KDM4C: variants seen among roughly 807,000 people sequenced by gnomAD.
KDM4C encodes the protein lysine-specific demethylase 4C.
In KDM4C, 81 loss-of-function variants were observed where a neutral mutation model predicts 129.3. The ratio of observed to expected loss-of-function variants is 0.63; its 90% CI spans 0.52 to 0.75. KDM4C has a LOEUF of 0.75. KDM4C is among the 30% of genes least tolerant of loss of function. The pLI, the probability that KDM4C is intolerant of heterozygous loss-of-function variation, is 0.00. For missense variants in KDM4C, 1,457 were observed against 1,304.0 expected (o/e 1.12, Z -1.81); for synonymous variants, 573 against 456.1 (o/e 1.26, Z -3.26).
At chr9:7,150,899 A>G (rs527719496) in intron 19 of KDM4C, among the ~76,000 whole-genome samples, 1 of 152,358 alleles carries the variant, frequency 6.6e-6, no homozygotes, top group South Asian at 2.1e-4. Context: ...TATACCTCTG[A>G]GGCTTAATGC....
At chr9:7,098,447 C>A (rs1836700470) in intron 17 of KDM4C, among the ~76,000 whole-genome samples, 1 of 152,220 alleles carries the variant, frequency 6.6e-6, no homozygotes, top group African/African-American at 2.4e-5. Flanking sequence ...TATTTTAATG[C>A]TCTGAACTTG....
intron 5 of KDM4C, among the ~76,000 whole-genome samples, chr9:6,856,401 C>A (rs1231544060): frequency 2.6e-5 from 4 of 152,078 alleles, no homozygotes; most frequent in Admixed American, 2.6e-4. Flanking sequence ...AACCATGGTT[C>A]ATTTTGGTTT....
chr9:7,058,528 G>C (rs1342212884), intron 17 of KDM4C, among the ~76,000 whole-genome samples: 1 of 152,102 alleles, frequency 6.6e-6, no homozygotes, highest in Non-Finnish European at 1.5e-5. Context: ...GCTTGTACAA[G>C]CTTGCTGCAG....
chr9:6,899,090 T>C (rs532560472), intron 8 of KDM4C, among the ~76,000 whole-genome samples: 24 of 152,138 alleles, frequency 1.6e-4, no homozygotes, highest in Middle Eastern at 3.4e-3. Flanking sequence ...CTTTTTGCTG[T>C]TTCTGATTCC....
intron 8 of KDM4C, among the ~76,000 whole-genome samples, chr9:6,926,593 C>G (rs868822402): frequency 6.6e-6 from 1 of 152,200 alleles, no homozygotes; most frequent in Admixed American, 6.5e-5. Context: ...ACTCTTATTT[C>G]TGCCTCATTC....
intron 12 of KDM4C, among the ~76,000 whole-genome samples, chr9:6,996,334 C>T (rs1387443642): frequency 6.6e-6 from 1 of 152,236 alleles, no homozygotes; most frequent in Admixed American, 6.5e-5. Flanking sequence ...TGCTTTATCA[C>T]ACCCCCTTCC....
At chr9:6,802,363 C>T (rs1588371890) in intron 2 of KDM4C, among the ~76,000 whole-genome samples, 1 of 152,132 alleles carries the variant, frequency 6.6e-6, no homozygotes, top group Admixed American at 6.6e-5. Context: ...GAAATTTGAA[C>T]TACACGTATC....
intron 18 of KDM4C, among the ~76,000 whole-genome samples, chr9:7,117,630 C>T (rs1371354315): frequency 7.8e-5 from 2 of 25,796 alleles, no homozygotes; most frequent in Non-Finnish European, 1.5e-4. Flanking sequence ...AATTTCTACA[C>T]ACACACACAC....
At chr9:7,037,953 T>G (rs1028709447) in intron 15 of KDM4C, among the ~76,000 whole-genome samples, 1 of 152,144 alleles carries the variant, frequency 6.6e-6, no homozygotes, top group Non-Finnish European at 1.5e-5. Context: ...CCATGCTCAT[T>G]AAACATAAAA....
At chr9:7,051,943 G>A (rs1411703472) in intron 17 of KDM4C, among the ~76,000 whole-genome samples, 1 of 152,112 alleles carries the variant, frequency 6.6e-6, no homozygotes, top group East Asian at 1.9e-4. Flanking sequence ...TAGGATTCCA[G>A]CAGCCTTCAC....
intron 21 of KDM4C, among the ~76,000 whole-genome samples, chr9:7,174,205 T>G (rs950346945): frequency 6.6e-6 from 1 of 152,128 alleles, no homozygotes; most frequent in East Asian, 1.9e-4. Context: ...CAAAGCTAAG[T>G]AGGAGTAAAG....
chr9:6,976,085 T>C (rs936593075), intron 8 of KDM4C, among the ~76,000 whole-genome samples: 17 of 152,192 alleles, frequency 1.1e-4, no homozygotes, highest in Admixed American at 6.5e-5. Flanking sequence ...TTTTTGTTTT[T>C]TGTTTTTGAG....
intron 1 of KDM4C, among the ~76,000 whole-genome samples, chr9:6,784,995 T>G (rs1219880034): frequency 2.0e-5 from 3 of 152,220 alleles, no homozygotes; most frequent in African/African-American, 7.2e-5. Flanking sequence ...TTGATAAAGC[T>G]AAGATTGGAG....
intron 15 of KDM4C, among the ~76,000 whole-genome samples, chr9:7,044,208 C>T (rs1025928083): frequency 2.0e-5 from 3 of 151,880 alleles, no homozygotes; most frequent in African/African-American, 7.3e-5. Context: ...GAGGGAGTAA[C>T]ATTTAGGTTG....
At chr9:6,776,454 AGTTTCCACCAT>A (rs1258227800) in intron 1 of KDM4C, among the ~76,000 whole-genome samples, 1 of 151,812 alleles carries the variant, frequency 6.6e-6, no homozygotes, top group African/African-American at 2.4e-5. Context: ...GTAGAGACAG[AGTTTCCACCAT>A]GTTGGCCAGG....
intron 20 of KDM4C, among the ~76,000 whole-genome samples, chr9:7,167,256 C>A (rs1300559832): frequency 6.6e-6 from 1 of 152,166 alleles, no homozygotes; most frequent in Admixed American, 6.5e-5. Context: ...GGTGGACAAC[C>A]ATCCCTGCTT....
chr9:7,134,989 T>G (rs936832035), intron 19 of KDM4C, among the ~76,000 whole-genome samples: 1 of 152,228 alleles, frequency 6.6e-6, no homozygotes, highest in Non-Finnish European at 1.5e-5. Flanking sequence ...GAATTTTATT[T>G]CCTTTTGTGT....
intron 8 of KDM4C, among the ~76,000 whole-genome samples, chr9:6,913,451 C>G (rs1232685715): frequency 6.6e-6 from 1 of 152,174 alleles, no homozygotes. Flanking sequence ...CATGTGTTTC[C>G]TTCTTTAGCT....
At chr9:7,073,470 C>T (rs1227103409) in intron 17 of KDM4C, among the ~76,000 whole-genome samples, 4 of 152,240 alleles carry the variant, frequency 2.6e-5, no homozygotes, top group Non-Finnish European at 5.9e-5. Context: ...TGTTCTCTCC[C>T]ACTAAGCTAT....
Sources: gnomAD v4.1 joint callset for allele counts (sites outside exome capture counted in the v4.1 genomes callset) on GRCh38, gnomAD v4.1.1 for gene constraint, MANE v1.5 for transcripts, NCBI Gene and HGNC (gene_info 2026-07-23, HGNC 2026-07-21) for gene names.